Variants in WDR20 observed in about 807,000 individuals in gnomAD.
WDR20 encodes the protein WD repeat domain 20.
A neutral mutation model predicts 38.7 loss-of-function variants in WDR20; 3 were observed. That is an observed-to-expected ratio of 0.08 (90% CI 0.04 to 0.20). The LOEUF is 0.20. Among genes scored for constraint, WDR20 ranks in the 10% least tolerant of loss-of-function variants. The pLI is 1.00. For synonymous variants in WDR20, 298 were observed against 285.6 expected, an observed-to-expected ratio of 1.04 and a Z score of -0.44; for missense variants, 559 against 727.7, an observed-to-expected ratio of 0.77 and a Z score of 2.67.
intron 2 of WDR20, among the ~76,000 whole-genome samples, chr14:102,201,165 C>T (rs1321838027): frequency 1.3e-5 from 2 of 152,192 alleles, no homozygotes; most frequent in Non-Finnish European, 2.9e-5. Flanking sequence ...CCTAATACTT[C>T]CTGAGCCCTC....
rs775412116 is a variant in WDR20 at position 102,197,769 on chromosome 14, C to T, written c.432+2649C>T. On this transcript the variant is annotated intron_variant, in intron 2 of 2. Coordinates refer to ENST00000342702, the MANE Select transcript of WDR20 (RefSeq NM_144574.4). ...TGTTTTTTTAGAACTCTTGTCAGCA[C>T]TTGTGGAAGGTGGATTGGAATGAAG... 5.7e-6 allele frequency: 4 copies of T among 701,974 alleles called. No individual in the cohort carries two copies. The South Asian group carries it at 5.9e-5, about 10-fold the overall frequency. The allele number at this position is 701,974 out of a possible 1,614,324, so 43.5% of individuals were successfully genotyped here.
chr14:102,172,999 C>T (rs1411358050), intron 1 of WDR20, among the ~76,000 whole-genome samples: 1 of 151,220 alleles, frequency 6.6e-6, no homozygotes, highest in Non-Finnish European at 1.5e-5. Context: ...GCACTCCCCA[C>T]ATCTCAGACG....
downstream of WDR20, among the ~76,000 whole-genome samples, chr14:102,212,363 T>G (rs2062655021): frequency 6.6e-6 from 1 of 152,194 alleles, no homozygotes; most frequent in African/African-American, 2.4e-5. Context: ...CTTGCTGGGT[T>G]CAGGGCCCAG....
chr14:102,152,478 G>C (rs1000766092), intron 1 of WDR20, among the ~76,000 whole-genome samples: 1 of 150,584 alleles, frequency 6.6e-6, no homozygotes, highest in Non-Finnish European at 1.5e-5. Flanking sequence ...ACAGTGGGGT[G>C]ATCTCGGCTC....
In WDR20 at chr14:102,208,801, A is replaced by T; in HGVS notation, c.631A>T (p.Asn211Tyr). The T allele has an allele frequency of 1.9e-6, 3 of 1,614,260 alleles. No homozygotes were observed. The highest frequency in any genetic ancestry group is 2.5e-6 in the Non-Finnish European group (3 of 1,180,052). ...CACTTGCAAGAGCAAATCCACGAGG[A>T]ACCCTCTCCTTAAGTGGACGGTGGG... ...VHTCKSKSTR[N>Y]PLLKWTVGEG... The change falls in exon 3 of 3, where the codon AAC becomes TAC. Residue 211 changes from asparagine (N) to tyrosine (Y), a missense_variant. Physicochemically the swap from Asn to Tyr is moderately radical, Grantham distance 143 (BLOSUM62 -2). Coordinates refer to ENST00000342702, the MANE Select transcript of WDR20 (RefSeq NM_144574.4). The surrounding 1 kb of genome is among the most constrained non-coding windows in gnomAD (Gnocchi z 5.6).
In WDR20 at chr14:102,201,855, C is replaced by T. The variant is rs548471123; in HGVS notation, c.432+6735C>T. On this transcript the variant is annotated intron_variant, in intron 2 of 2. Transcript: ENST00000342702. ...GGCCAGGCCAGCTGCTCTGCCAGCACCTCTGTTACTTCCCCTGCCTTCCCT... is the reference window on the plus strand; with the variant it reads ...GGCCAGGCCAGCTGCTCTGCCAGCATCTCTGTTACTTCCCCTGCCTTCCCT... 2.0e-5 allele frequency among the ~76,000 whole-genome samples: 3 copies of T among 152,322 alleles called. No homozygotes were observed. The South Asian group carries it at 6.2e-4, about 32-fold the overall frequency.
At chr14:102,213,230 C>T (rs968617768), downstream of WDR20, 1 of 985,320 alleles carries the variant, frequency 1.0e-6, no homozygotes, top group African/African-American at 1.7e-5. Flanking sequence ...TTTTCTTATT[C>T]AGAAGGAGAA....
chr14:102,153,944 GGGATGCTGAAGCA>G (rs1387631604), intron 1 of WDR20, among the ~76,000 whole-genome samples: 1 of 152,184 alleles, frequency 6.6e-6, no homozygotes, highest in Non-Finnish European at 1.5e-5. Flanking sequence ...CCAGCACTTT[GGGATGCTGAAGCA>G]GGAGGATTGC....
intron 1 of WDR20, among the ~76,000 whole-genome samples, chr14:102,150,723 G>T (rs1307159140): frequency 6.6e-6 from 1 of 152,090 alleles, no homozygotes; most frequent in Non-Finnish European, 1.5e-5. Flanking sequence ...AGTAGTTTTT[G>T]TGTGAAAAGC....
chr14:102,199,853 TG>T (rs1485428001), intron 2 of WDR20, among the ~76,000 whole-genome samples: 1 of 152,220 alleles, frequency 6.6e-6, no homozygotes, highest in Non-Finnish European at 1.5e-5. Flanking sequence ...TTAAAATGCT[TG>T]TTGATAGAAA....
chr14:102,215,919 C>T (rs189601846), downstream of WDR20, among the ~76,000 whole-genome samples: 1 of 152,322 alleles, frequency 6.6e-6, no homozygotes, highest in East Asian at 1.9e-4. Flanking sequence ...AGGCCTACCC[C>T]CCTGCCTGAG....
Position 102,222,918 on chromosome 14 carries a change from T to A in WDR20, c.*35T>A, listed in dbSNP as rs562858833. The A allele has an allele frequency of 1.7e-4, 269 of 1,613,454 alleles. 5 individuals carry two copies. In the Admixed American group the frequency reaches 4.4e-3, roughly 27 times the overall value. On this transcript the variant is annotated 3_prime_UTR_variant, in exon 4 of 4. Transcript: ENST00000335263. The surrounding 1 kb of genome is among the most constrained non-coding windows in gnomAD (Gnocchi z 4.4). ...TGCTGCGCGCACAGTCTCCCGGGAC[T>A]TGGACTCGAGGGAGTGACGAGGAGG...
At chr14:102,219,310 G>C (rs2063609000), downstream of WDR20, among the ~76,000 whole-genome samples, 1 of 152,246 alleles carries the variant, frequency 6.6e-6, no homozygotes, top group Non-Finnish European at 1.5e-5. Flanking sequence ...TCCAGCAAGT[G>C]ACAGGTGCCA....
intron 2 of WDR20, among the ~76,000 whole-genome samples, chr14:102,203,610 C>G (rs1019361531): frequency 2.0e-5 from 3 of 152,174 alleles, no homozygotes; most frequent in Non-Finnish European, 2.9e-5. Context: ...ATCCCCACCC[C>G]CCTGGCCTGC....
chr14:102,163,494 G>A (rs1479686920), intron 1 of WDR20, among the ~76,000 whole-genome samples: 1 of 151,968 alleles, frequency 6.6e-6, no homozygotes, highest in East Asian at 1.9e-4. Context: ...CAGGCGTGGT[G>A]GCGTGTGCCT....
intron 1 of WDR20, among the ~76,000 whole-genome samples, chr14:102,153,848 C>T (rs890653341): frequency 5.9e-5 from 9 of 152,178 alleles, no homozygotes; most frequent in African/African-American, 1.9e-4. Context: ...TCTTGACCAT[C>T]GATTTGTGGT....
At chr14:102,212,689 T>C (rs546528204), downstream of WDR20, 462 of 1,502,976 alleles carry the variant, frequency 3.1e-4, 1 homozygote, top group African/African-American at 5.7e-3. Flanking sequence ...GGGGAGGGCC[T>C]GGGGAGGGGT....
chr14:102,149,281 T>C (rs2054871314), intron 1 of WDR20, among the ~76,000 whole-genome samples: 1 of 152,236 alleles, frequency 6.6e-6, no homozygotes, highest in Non-Finnish European at 1.5e-5. Flanking sequence ...TGCTTTTGCC[T>C]TGTGCTCCCA....
chr14:102,217,774 TAAG>T (rs2063398291), downstream of WDR20, among the ~76,000 whole-genome samples: 1 of 152,234 alleles, frequency 6.6e-6, no homozygotes, highest in Non-Finnish European at 1.5e-5. Flanking sequence ...CGTGAGCAGT[TAAG>T]GAGTGTGTTC....
Sources: gnomAD v4.1 joint callset for allele counts (sites outside exome capture counted in the v4.1 genomes callset) on GRCh38, gnomAD v4.1.1 for gene constraint, Gnocchi (gnomAD v3.1) non-coding constraint, MANE v1.5 for transcripts, NCBI Gene and HGNC (gene_info 2026-07-23, HGNC 2026-07-21) for gene names.